The following DYTN variants were observed in gnomAD, a reference collection of about 807,000 sequenced individuals.
The protein encoded by DYTN is dystrotelin.
Under a neutral mutation model 69.6 loss-of-function variants are expected in DYTN, and 75 were observed. That is an observed-to-expected ratio of 1.08 (90% confidence interval 0.89 to 1.31). DYTN has a LOEUF of 1.31. DYTN is among the 50% of genes most tolerant of loss of function. The probability of loss-of-function intolerance (pLI) is 0.00; values close to 1 mark genes in which losing one functional copy is unlikely to be tolerated. For synonymous variants in DYTN, 252 were observed against 249.1 expected, an observed-to-expected ratio of 1.01 and a Z score of -0.11; for missense variants, 726 against 688.4, an observed-to-expected ratio of 1.05 and a Z score of -0.61.
chr2:206,686,681 C>T (rs1699812480), intron 9 of DYTN: 1 of 152,230 alleles, frequency 6.6e-6, no homozygotes, highest in Admixed American at 6.5e-5. Context: ...CTACAAATGT[C>T]CCCATGGGCA....
chr2:206,659,844 C>T (rs1394293533), intron 11 of DYTN, among the ~76,000 whole-genome samples: 2 of 151,808 alleles, frequency 1.3e-5, no homozygotes, highest in East Asian at 3.9e-4. Context: ...AAAACGGTAG[C>T]CATGAAGATT....
At chr2:206,689,508 C>G (rs756227743) in intron 9 of DYTN, among the ~76,000 whole-genome samples, 1 of 152,222 alleles carries the variant, frequency 6.6e-6, no homozygotes, top group Non-Finnish European at 1.5e-5. Flanking sequence ...AACAACTCTA[C>G]TGTACTTGGG....
At chr2:206,697,358 T>A (rs1234244361) in intron 7 of DYTN, among the ~76,000 whole-genome samples, 1 of 152,140 alleles carries the variant, frequency 6.6e-6, no homozygotes, top group Non-Finnish European at 1.5e-5. Flanking sequence ...CCTTCTAGAA[T>A]TTTTTTCTTG....
At chr2:206,678,637 C>T (rs1047164750) in intron 9 of DYTN, among the ~76,000 whole-genome samples, 2 of 151,936 alleles carry the variant, frequency 1.3e-5, no homozygotes. Context: ...ATTACAATGA[C>T]AATGGAAAAT....
At chr2:206,670,401 T>TTTTTGTAGAAAA (rs1184585584) in intron 9 of DYTN, 1 of 152,064 alleles carries the variant, frequency 6.6e-6, no homozygotes, top group Non-Finnish European at 1.5e-5. Flanking sequence ...AATGGTAAAA[T>TTTTTGTAGAAAA]TTTTGTAGAA....
intron 1 of DYTN, among the ~76,000 whole-genome samples, chr2:206,714,864 T>C (rs150835531): frequency 1.3e-5 from 2 of 152,218 alleles, no homozygotes; most frequent in East Asian, 1.9e-4. Flanking sequence ...GACCAGTTAG[T>C]TGTTCAAGAT....
At chr2:206,692,042 A>G (rs1699868800) in intron 9 of DYTN, among the ~76,000 whole-genome samples, 1 of 152,110 alleles carries the variant, frequency 6.6e-6, no homozygotes, top group South Asian at 2.1e-4. Context: ...TGGGAGGCCG[A>G]GGTGGGAAAG....
At position 206,707,486 on chromosome 2, in the gene DYTN, A is replaced by G; in HGVS notation, c.112T>C (p.Ser38Pro). 1 of 1,610,122 alleles carries G rather than the reference A, an allele frequency of 6.2e-7. No homozygotes were observed. The highest frequency in any genetic ancestry group is 8.5e-7 in the Non-Finnish European group (1 of 1,178,384). Residue 38 changes from serine to proline, a missense_variant, in exon 3 of 12, where the codon TCC becomes CCC. Ser to Pro is a moderately conservative substitution (Grantham distance 74). Transcript: ENST00000452335. ...TLCQLDLIDS[S>P]LIQQVLLRPS... ...CGCAGTAGGACCTGCTGAATCAGGG[A>G]GCTGTCAATCAAGTCCACTGTAGGA...
At chr2:206,714,769 G>A (rs1312122053) in intron 1 of DYTN, among the ~76,000 whole-genome samples, 1 of 152,126 alleles carries the variant, frequency 6.6e-6, no homozygotes, top group Non-Finnish European at 1.5e-5. Context: ...TCTTGACATG[G>A]AGTCCCATGT....
At chr2:206,712,285 T>C (rs189997240) in intron 1 of DYTN, among the ~76,000 whole-genome samples, 1 of 152,182 alleles carries the variant, frequency 6.6e-6, no homozygotes. Flanking sequence ...CAAACGAAAG[T>C]TTGAAAACTA....
chr2:206,704,622 C>G (rs1280562269), intron 5 of DYTN, among the ~76,000 whole-genome samples: 1 of 152,164 alleles, frequency 6.6e-6, no homozygotes, highest in Non-Finnish European at 1.5e-5. Flanking sequence ...ACAACATTAT[C>G]TTTAGCCTCA....
At chr2:206,694,518 T>G (rs1045011621) in intron 8 of DYTN, among the ~76,000 whole-genome samples, 20 of 152,322 alleles carry the variant, frequency 1.3e-4, no homozygotes, top group African/African-American at 4.6e-4. Flanking sequence ...GAGTATCTGA[T>G]CAATCACTTC....
At chr2:206,671,785 T>G (rs1287662482) in intron 9 of DYTN, among the ~76,000 whole-genome samples, 1 of 152,242 alleles carries the variant, frequency 6.6e-6, no homozygotes, top group Non-Finnish European at 1.5e-5. Context: ...ATGTGGTACA[T>G]ATTTTTCTGC....
intron 11 of DYTN, among the ~76,000 whole-genome samples, chr2:206,659,164 C>CTTTT (rs758156864): frequency 6.3e-4 from 34 of 54,260 alleles, no homozygotes; most frequent in Admixed American, 1.1e-3. Context: ...CTCACAGTCT[C>CTTTT]TTTTTTTTTT....
rs13415960 is a variant in DYTN at position 206,694,920 on chromosome 2, G to A, written c.720-43C>T. The A allele has an allele frequency of 2.3e-3, 1,787 of 788,922 alleles. 22 individuals carry two copies. In the African/African-American group the frequency reaches 0.035, roughly 15 times the overall value. 48.9% of individuals were successfully genotyped at this position (788,922 alleles called of 1,614,324 possible). On this transcript the variant is annotated intron_variant, in intron 7 of 11. Coordinates refer to ENST00000452335, the MANE Select transcript of DYTN (RefSeq NM_001093730.1). ...AGCACAGCTTACGTCACTAGTAGATGAGAAAAAAAAAAAAAAAAGAATATC... is the reference window on the plus strand; with the variant it reads ...AGCACAGCTTACGTCACTAGTAGATAAGAAAAAAAAAAAAAAAAGAATATC...
At chr2:206,689,154 A>G (rs1490342445) in intron 9 of DYTN, among the ~76,000 whole-genome samples, 6 of 152,216 alleles carry the variant, frequency 3.9e-5, no homozygotes, top group Non-Finnish European at 1.5e-5. Context: ...CCTAACTTTC[A>G]GTTCTGGTTT....
rs1212024957 is a variant in DYTN at position 206,714,350 on chromosome 2, A to C, written c.20-3752T>G. 5.3e-5 allele frequency among the ~76,000 whole-genome samples: 8 copies of C among 152,166 alleles called. No individual in the cohort carries two copies. The East Asian group carries it at 1.4e-3, about 26-fold the overall frequency. On this transcript the variant is annotated intron_variant, in intron 1 of 11. Transcript: ENST00000452335. ...CCCGAGTAGCTGGGATTACAGGCGC[A>C]CACCACCACGCCCGGCTAATTTTTT...
intron 1 of DYTN, among the ~76,000 whole-genome samples, chr2:206,717,077 CAAA>C (rs1491557071): frequency 1.4e-5 from 2 of 139,208 alleles, no homozygotes; most frequent in African/African-American, 2.6e-5. Flanking sequence ...CACACACACA[CAAA>C]ACAAACTCAA....
intron 5 of DYTN, among the ~76,000 whole-genome samples, chr2:206,704,109 C>T (rs1700002539): frequency 6.6e-6 from 1 of 152,202 alleles, no homozygotes; most frequent in Non-Finnish European, 1.5e-5. Context: ...TCCATCTATG[C>T]ATTCTTTAAG....
Sources: allele counts gnomAD v4.1 joint callset (sites outside exome capture counted in the v4.1 genomes callset), GRCh38; gene constraint gnomAD v4.1.1; transcripts MANE v1.5; gene names NCBI Gene and HGNC (gene_info 2026-07-23, HGNC 2026-07-21).